Variants in SLC9A2 observed in about 807,000 individuals in gnomAD.
SLC9A2 encodes solute carrier family 9 member A2.
In SLC9A2, 42 loss-of-function variants were observed where a neutral mutation model predicts 71.7. That is an observed-to-expected ratio of 0.59 (90% CI 0.46 to 0.76). SLC9A2 has a LOEUF of 0.76. Ranked by LOEUF, SLC9A2 falls within the 30% of genes least tolerant of loss-of-function variation. SLC9A2 has a pLI of 0.00. For missense variants in SLC9A2, 829 were observed against 1,017.4 expected (o/e 0.81, Z 2.52); for synonymous variants, 396 against 392.5 (o/e 1.01, Z -0.10).
intron 3 of SLC9A2, 113 bp from the exon 4 acceptor site, chr2:102,683,148 G>A: frequency 1.1e-5 from 8 of 727,742 alleles, no homozygotes; most frequent in South Asian, 6.7e-5. Flanking sequence ...ATTCGATGAT[G>A]TTGTAGTCTT....
At chr2:102,670,599 C>CAAAAAAA (rs66543071) in intron 3 of SLC9A2, among the ~76,000 whole-genome samples, 3 of 79,978 alleles carry the variant, frequency 3.8e-5, no homozygotes, top group African/African-American at 9.6e-5. Flanking sequence ...CTCCCCCCAC[C>CAAAAAAA]AAAAAAAAAA....
intron 5 of SLC9A2, among the ~76,000 whole-genome samples, chr2:102,690,846 A>G (rs1044677906): frequency 2.0e-5 from 3 of 152,244 alleles, no homozygotes; most frequent in East Asian, 3.9e-4. Context: ...AATCGTTTCT[A>G]TAAGTTTTTC....
intron 3 of SLC9A2, among the ~76,000 whole-genome samples, chr2:102,676,762 C>T (rs766670400): frequency 8.5e-5 from 13 of 152,310 alleles, no homozygotes; most frequent in Admixed American, 2.6e-4. Context: ...GAGCATGCAA[C>T]GTGCCCAGAG....
intron 5 of SLC9A2, among the ~76,000 whole-genome samples, chr2:102,691,833 G>A (rs1200185887): frequency 3.3e-5 from 5 of 152,208 alleles, no homozygotes; most frequent in Middle Eastern, 3.4e-3. Context: ...TAGGGTGGAA[G>A]GAATCAACAT....
At chr2:102,689,975 T>A (rs989862175) in intron 5 of SLC9A2, among the ~76,000 whole-genome samples, 5 of 152,070 alleles carry the variant, frequency 3.3e-5, no homozygotes, top group African/African-American at 1.2e-4. Flanking sequence ...GAGTCTGGAA[T>A]TTGGGGGAGA....
intron 1 of SLC9A2, among the ~76,000 whole-genome samples, chr2:102,622,407 T>A (rs1311463270): frequency 3.3e-5 from 5 of 152,212 alleles, no homozygotes; most frequent in Non-Finnish European, 7.3e-5. Context: ...CTGTTGCCAT[T>A]TCTATTCCAA....
intron 4 of SLC9A2, 145 bp from the exon 5 acceptor site, chr2:102,683,989 A>G: frequency 3.1e-6 from 2 of 640,444 alleles, no homozygotes; most frequent in East Asian, 2.7e-5. Context: ...TGGTATTACT[A>G]GCAAGACAGA....
At chr2:102,690,496 G>T (rs1383980791) in intron 5 of SLC9A2, among the ~76,000 whole-genome samples, 3 of 152,160 alleles carry the variant, frequency 2.0e-5, no homozygotes, top group Non-Finnish European at 2.9e-5. Context: ...GATGGTTTTT[G>T]TTTCTGATTT....
At chr2:102,684,541 A>C (rs1215674286) in intron 5 of SLC9A2, among the ~76,000 whole-genome samples, 2 of 152,180 alleles carry the variant, frequency 1.3e-5, no homozygotes, top group African/African-American at 4.8e-5. Flanking sequence ...CTACACAGAG[A>C]AATTATTATT....
intron 3 of SLC9A2, among the ~76,000 whole-genome samples, chr2:102,677,693 A>T (rs755220521): frequency 8.5e-5 from 13 of 152,234 alleles, no homozygotes; most frequent in Non-Finnish European, 1.9e-4. Flanking sequence ...TACATGCCAG[A>T]CACTATGCTA....
intron 2 of SLC9A2, among the ~76,000 whole-genome samples, chr2:102,663,506 G>A (rs930671767): frequency 6.6e-6 from 1 of 152,184 alleles, no homozygotes; most frequent in Non-Finnish European, 1.5e-5. Flanking sequence ...ACAAAGTGAA[G>A]TAAAAAGTGA....
intron 1 of SLC9A2, among the ~76,000 whole-genome samples, chr2:102,649,779 A>G (rs1410546521): frequency 6.6e-6 from 1 of 152,228 alleles, no homozygotes; most frequent in Non-Finnish European, 1.5e-5. Context: ...ACCATCTCAC[A>G]CCAGTTAGAA....
At chr2:102,669,279 A>C (rs377173859) in intron 3 of SLC9A2, among the ~76,000 whole-genome samples, 26 of 152,306 alleles carry the variant, frequency 1.7e-4, no homozygotes, top group African/African-American at 6.3e-4. Context: ...ATATTCCAAA[A>C]CCTAATTTAA....
At chr2:102,635,619 C>T (rs1166599114) in intron 1 of SLC9A2, among the ~76,000 whole-genome samples, 1 of 152,210 alleles carries the variant, frequency 6.6e-6, no homozygotes, top group Non-Finnish European at 1.5e-5. Context: ...TGTCTTTTTA[C>T]AAATGTCACT....
chr2:102,643,883 G>GTATC (rs1676660788), intron 1 of SLC9A2, among the ~76,000 whole-genome samples: 2 of 149,222 alleles, frequency 1.3e-5, no homozygotes, highest in East Asian at 4.0e-4. Flanking sequence ...TTGACCTGTT[G>GTATC]TATCTTTTTA....
At chr2:102,680,453 G>A (rs1677431945) in intron 3 of SLC9A2, among the ~76,000 whole-genome samples, 1 of 152,142 alleles carries the variant, frequency 6.6e-6, no homozygotes, top group Non-Finnish European at 1.5e-5. Flanking sequence ...TACTGAGACA[G>A]ATGCCACTTT....
Position 102,619,708 on chromosome 2 carries a change from C to G in SLC9A2, c.-141C>G, listed in dbSNP as rs986779525. ...ACCTAGCCCTCTGGTTGCAGAGACC[C>G]GGTGCCGCAGCAGCGGCGGGTGGCT... On this transcript the variant is annotated 5_prime_UTR_variant, in exon 1 of 12. Transcript: ENST00000233969. The surrounding 1 kb of genome is among the most constrained non-coding windows in gnomAD (Gnocchi z 4.3). 2.9e-6 allele frequency: 2 copies of G among 678,032 alleles called. No homozygotes were observed. Among genetic ancestry groups the G allele is most frequent in the Non-Finnish European group, 4.4e-6 (2 of 450,152 alleles). The allele number at this position is 678,032 out of a possible 1,614,324, so 42.0% of individuals were successfully genotyped here.
At chr2:102,625,474 C>G (rs1676228670) in intron 1 of SLC9A2, among the ~76,000 whole-genome samples, 1 of 139,044 alleles carries the variant, frequency 7.2e-6, no homozygotes. Context: ...TCCCCCCTCC[C>G]CCCACCGCAC....
chr2:102,709,923 C>G lies in SLC9A2; in HGVS notation c.*1434C>G, dbSNP rs929801891. On this transcript the variant is annotated 3_prime_UTR_variant, in exon 12 of 12. Transcript: ENST00000233969. ...CCCACTGAAGATACCCCAAAGGATG[C>G]AAGTGCCTACAGTATTATCAGGAGG... 1.3e-5 allele frequency: 2 copies of G among 152,278 alleles called. No individual in the cohort carries two copies. The highest frequency in any genetic ancestry group is 4.8e-5 in the African/African-American group (2 of 41,406). The allele number at this position is 152,278 out of a possible 1,614,324, so 9.4% of individuals were successfully genotyped here. A position where few individuals can be genotyped will look rare whatever the true frequency, so the allele number is the denominator to read the frequency against.
Sources: allele counts gnomAD v4.1 joint callset (sites outside exome capture counted in the v4.1 genomes callset), GRCh38; gene constraint gnomAD v4.1.1; non-coding constraint Gnocchi (gnomAD v3.1); transcripts MANE v1.5; gene names NCBI Gene and HGNC (gene_info 2026-07-23, HGNC 2026-07-21).